ITIH2: variants seen among roughly 807,000 people sequenced by gnomAD.
ITIH2 encodes inter-alpha-trypsin inhibitor heavy chain H2.
ITIH2 carries 103 observed loss-of-function variants against 104.4 expected under a neutral mutation model. That is an observed-to-expected ratio of 0.99 (90% CI 0.84 to 1.16). The LOEUF (loss-of-function observed/expected upper bound fraction) is 1.16. ITIH2 is among the 50% of genes most tolerant of loss of function. The pLI, the probability that ITIH2 is intolerant of heterozygous loss-of-function variation, is 0.00. For missense variants in ITIH2, 1,108 were observed against 1,162.4 expected, an observed-to-expected ratio of 0.95 and a Z score of 0.68; for synonymous variants, 436 against 435.4, an observed-to-expected ratio of 1.00 and a Z score of -0.02.
intron 1 of ITIH2, 110 bp from the exon 2 acceptor site, chr10:7,704,998 C>A (rs1190048431): frequency 9.0e-6 from 6 of 664,428 alleles, no homozygotes; most frequent in Non-Finnish European, 1.3e-5. Context: ...TGTAGCAAAC[C>A]AACATGGCAC....
intron 15 of ITIH2, among the ~76,000 whole-genome samples, chr10:7,735,835 G>C (rs568448049): frequency 6.6e-6 from 1 of 151,844 alleles, no homozygotes; most frequent in Non-Finnish European, 1.5e-5. Flanking sequence ...ACCACGCCCA[G>C]CTAATTTTTT....
At chr10:7,740,012 CCTGT>C (rs2130963125) in intron 16 of ITIH2, among the ~76,000 whole-genome samples, 1 of 152,240 alleles carries the variant, frequency 6.6e-6, no homozygotes, top group East Asian at 1.9e-4. Context: ...AGGGGGAAAC[CCTGT>C]CTGTACTGAA....
At chr10:7,745,068 T>G in intron 19 of ITIH2, 105 bp downstream of exon 19, 2 of 985,024 alleles carry the variant, frequency 2.0e-6, no homozygotes, top group Non-Finnish European at 3.1e-6. Context: ...TGTGGACTCA[T>G]GAGCACAGAG....
At chr10:7,718,696 A>G (rs1834874300) in intron 6 of ITIH2, among the ~76,000 whole-genome samples, 1 of 152,236 alleles carries the variant, frequency 6.6e-6, no homozygotes, top group South Asian at 2.1e-4. Flanking sequence ...ACCCTCGAGT[A>G]GGCCCTGGTG....
At chr10:7,740,789 C>G (rs1835116759) in intron 16 of ITIH2, among the ~76,000 whole-genome samples, 1 of 152,142 alleles carries the variant, frequency 6.6e-6, no homozygotes, top group Admixed American at 6.5e-5. Context: ...TGATAATACC[C>G]TCCCTGCAGG....
chr10:7,737,359 C>T (rs1255780408), intron 15 of ITIH2, among the ~76,000 whole-genome samples: 4 of 137,794 alleles, frequency 2.9e-5, no homozygotes, highest in African/African-American at 5.5e-5. Context: ...CTGGTTCTAC[C>T]GAAACATATA....
intron 6 of ITIH2, among the ~76,000 whole-genome samples, chr10:7,718,211 C>G (rs1834868783): frequency 6.6e-6 from 1 of 152,158 alleles, no homozygotes; most frequent in Admixed American, 6.5e-5. Flanking sequence ...TCACTCCAAT[C>G]TCTTCTTCCA....
At chr10:7,707,123 G>C in intron 2 of ITIH2, 78 bp from the exon 3 acceptor site, 1 of 968,418 alleles carries the variant, frequency 1.0e-6, no homozygotes, top group Non-Finnish European at 1.6e-6. Context: ...TTTCTTTTTT[G>C]ACTGAGAAAA....
intron 6 of ITIH2, among the ~76,000 whole-genome samples, chr10:7,719,321 T>G (rs1216315497): frequency 1.3e-5 from 2 of 152,198 alleles, no homozygotes; most frequent in Non-Finnish European, 2.9e-5. Flanking sequence ...TTCAGGCAAA[T>G]GCAGCGCCAT....
At chr10:7,705,269 G>A (rs1403487561) in intron 2 of ITIH2, 87 bp downstream of exon 2, 2 of 939,142 alleles carry the variant, frequency 2.1e-6, no homozygotes, top group Admixed American at 2.0e-5. Context: ...CCTTCTGCTA[G>A]ATTTTCTTAA....
At position 7,707,212 on chromosome 10, in the gene ITIH2, A is replaced by G; in HGVS notation, c.171A>G (p.Pro57=). 6.2e-7 allele frequency: 1 copy of G among 1,604,166 alleles called. No individual in the cohort carries two copies. The highest frequency in any genetic ancestry group is 8.5e-7 in the Non-Finnish European group (1 of 1,172,332). ...ACTTCCTTTCACAGAGAAGCCTTCC[A>G]GGAGAATCGGAAGAAATGATGGTAA... ...AENRRYQRSL[P]GESEEMMEEV... The change falls in exon 3 of 21, where the codon CCA becomes CCG. Residue 57 remains proline (P), a synonymous_variant. Coordinates refer to ENST00000358415, the MANE Select transcript of ITIH2 (RefSeq NM_002216.3).
rs1222253612 is a variant in ITIH2 at position 7,703,507 on chromosome 10, G to T, written c.73G>T (p.Gly25Ter). 6.2e-7 allele frequency: 1 copy of T among 1,609,502 alleles called. No individual in the cohort carries two copies. The highest frequency in any genetic ancestry group is 1.3e-5 in the African/African-American group (1 of 74,720). ...ATCAGGCTTCGAAATCCCCATAAAT[G>T]GACTTTCTGAAGTAAGTACTTACAG... ...EVSGFEIPIN[G>*]LSEFVDYEDL... The change falls in exon 1 of 21, where the codon GGA (glycine) becomes TGA (stop). Residue 25 changes from glycine to a stop codon, truncating the protein, a stop_gained. Coordinates refer to ENST00000358415, the MANE Select transcript of ITIH2 (RefSeq NM_002216.3). LOFTEE classifies it high-confidence loss of function.
intron 16 of ITIH2, among the ~76,000 whole-genome samples, chr10:7,739,401 C>T (rs573338270): frequency 1.4e-4 from 22 of 152,282 alleles, no homozygotes; most frequent in Admixed American, 9.2e-4. Flanking sequence ...TGCAAAGTCC[C>T]AGCCTGACTT....
chr10:7,735,073 G>C lies in ITIH2; in HGVS notation c.1939G>C (p.Asp647His), dbSNP rs1564304793. 1 of 1,609,588 alleles carries C rather than the reference G, an allele frequency of 6.2e-7. No individual in the cohort carries two copies. ...ERMLADAPPQDPSCCSGALYY... is the reference protein window; with the variant it reads ...ERMLADAPPQHPSCCSGALYY... ...CATGCTGGCGGATGCCCCACCGCAG[G>C]ATCCCTCCTGCTGCTCAGGTCAGGG... The change falls in exon 15 of 21, where the codon GAT becomes CAT. Residue 647 changes from aspartate (D) to histidine (H), a missense_variant. Coordinates refer to ENST00000358415, the MANE Select transcript of ITIH2 (RefSeq NM_002216.3).
In ITIH2 at chr10:7,749,310, C is replaced by G. The variant is rs1835214908; in HGVS notation, c.2817C>G (p.Leu939=). ...ACAAGGATTACTTCGTGCCTCAGCT[C>G]TACAGCTTTCTCAAACGGCCTTAAA... ...GHYKDYFVPQ[L]YSFLKRP Residue 939 remains leucine (L), a synonymous_variant, in exon 21 of 21, where the codon CTC becomes CTG. Transcript: ENST00000358415. 1.9e-6 allele frequency: 3 copies of G among 1,613,972 alleles called. No homozygotes were observed. The highest frequency in any genetic ancestry group is 2.7e-5 in the African/African-American group (2 of 74,922).
chr10:7,729,893 C>T, intron 11 of ITIH2, 59 bp from the exon 12 acceptor site: 1 of 1,319,040 alleles, frequency 7.6e-7, no homozygotes, highest in Non-Finnish European at 1.0e-6. Context: ...CCTGGATTTT[C>T]CAGAAAATTT....
At position 7,717,806 on chromosome 10, in the gene ITIH2, G is replaced by C; in HGVS notation, c.630+18G>C. The stretch of plus-strand genomic sequence containing the variant: ...ACTTAGAGGTAAGCCTGGATCTGTA[G>C]GGTGGGCAGTGACACTGTCCTTTTA... On this transcript the variant is annotated intron_variant, in intron 6 of 20. Coordinates refer to ENST00000358415, the MANE Select transcript of ITIH2 (RefSeq NM_002216.3). 1 of 1,596,670 alleles carries C rather than the reference G, an allele frequency of 6.3e-7. No homozygotes were observed. Among genetic ancestry groups the C allele is most frequent in the South Asian group, 1.1e-5 (1 of 90,536 alleles).
At chr10:7,707,122 T>A in intron 2 of ITIH2, 79 bp from the exon 3 acceptor site, 1 of 964,482 alleles carries the variant, frequency 1.0e-6, no homozygotes, top group Middle Eastern at 2.2e-4. Context: ...ATTTCTTTTT[T>A]GACTGAGAAA....
At chr10:7,728,255 T>C (rs1293515815) in intron 11 of ITIH2, among the ~76,000 whole-genome samples, 2 of 152,170 alleles carry the variant, frequency 1.3e-5, no homozygotes, top group Non-Finnish European at 2.9e-5. Context: ...TCCACACTTC[T>C]CCCGGTTGCA....
Sources: allele counts gnomAD v4.1 joint callset (sites outside exome capture counted in the v4.1 genomes callset), GRCh38; gene constraint gnomAD v4.1.1; transcripts MANE v1.5; gene names NCBI Gene and HGNC (gene_info 2026-07-23, HGNC 2026-07-21).